Variants in LYAR observed in about 807,000 individuals in gnomAD.
LYAR encodes cell growth-regulating nucleolar protein.
A neutral mutation model predicts 45.2 loss-of-function variants in LYAR; 37 were observed. That is an observed-to-expected ratio of 0.82 (90% CI 0.63 to 1.08). LYAR has a LOEUF of 1.08. Among genes scored for constraint, LYAR ranks in the 50% least tolerant of loss-of-function variants. The pLI is 0.00. For missense variants in LYAR, 493 were observed against 451.0 expected (o/e 1.09, Z -0.84); for synonymous variants, 176 against 155.1 (o/e 1.14, Z -1.00).
At chr4:4,270,391 T>G (rs1271918718) in intron 8 of LYAR, among the ~76,000 whole-genome samples, 2 of 151,042 alleles carry the variant, frequency 1.3e-5, no homozygotes, top group Non-Finnish European at 2.9e-5. Context: ...AATTGAACTT[T>G]ATCAAAATAA....
Position 4,279,802 on chromosome 4 carries a change from T to C in LYAR, c.238-53A>G, listed in dbSNP as rs1412747591. On this transcript the variant is annotated intron_variant, in intron 4 of 9. Transcript: ENST00000343470. ...CTATTAATAAACAACCAACATGAGT[T>C]TCATGAAAGCCAATTGAAAAAGTCC... The C allele has an allele frequency of 8.3e-6, 10 of 1,204,832 alleles. No homozygotes were observed. The African/African-American group carries it at 1.2e-4, about 15-fold the overall frequency. 74.6% of individuals were successfully genotyped at this position (1,204,832 alleles called of 1,614,324 possible).
chr4:4,287,503 C>T (rs1719663424), intron 1 of LYAR, among the ~76,000 whole-genome samples: 1 of 152,206 alleles, frequency 6.6e-6, no homozygotes, highest in African/African-American at 2.4e-5. Flanking sequence ...CACCATAGAA[C>T]ACATGATCAT....
intron 1 of LYAR, 79 bp downstream of exon 1, chr4:4,289,957 G>T (rs1469409673): frequency 6.6e-6 from 1 of 152,362 alleles, no homozygotes; most frequent in Non-Finnish European, 1.5e-5. Flanking sequence ...AGGGGCTGAC[G>T]GTGGAAATCC....
rs1406420906 is a variant in LYAR, at chr4:4,274,831, C to T, written c.430-62G>A. On this transcript the variant is annotated intron_variant, in intron 6 of 9. Coordinates refer to ENST00000343470, the MANE Select transcript of LYAR (RefSeq NM_017816.3). ...TTTAAATGTGTAAATAGAGTTGTCA[C>T]GTTATTGCCTGGGCCTACTACATAA... The T allele has an allele frequency of 1.3e-5, 19 of 1,469,834 alleles. No individual in the cohort carries two copies. In the South Asian group the frequency reaches 2.0e-4, roughly 15 times the overall value. 91.0% of individuals were successfully genotyped at this position (1,469,834 alleles called of 1,614,324 possible). A position where few individuals can be genotyped will look rare whatever the true frequency, so the allele number is the denominator to read the frequency against.
At chr4:4,287,286 G>A (rs997406011) in intron 1 of LYAR, among the ~76,000 whole-genome samples, 1 of 152,188 alleles carries the variant, frequency 6.6e-6, no homozygotes, top group Non-Finnish European at 1.5e-5. Context: ...GACTGGTTGA[G>A]AGCATACTTC....
rs574330826 is a variant in LYAR, at chr4:4,269,647, C to T, written c.920-1032G>A. ...CCGCCCCCACCTGACAGCAACAAGGCCGTGCCCCTCCACAACCACCAAAGT... is the reference window on the plus strand; with the variant it reads ...CCGCCCCCACCTGACAGCAACAAGGTCGTGCCCCTCCACAACCACCAAAGT... On this transcript the variant is annotated intron_variant, in intron 8 of 9. Transcript: ENST00000343470. Among the ~76,000 whole-genome samples, 10 of 152,292 alleles carry T rather than the reference C, an allele frequency of 6.6e-5. No homozygotes were observed. In the East Asian group the frequency reaches 7.7e-4, roughly 12 times the overall value.
chr4:4,288,138 G>T (rs931286910), intron 1 of LYAR, among the ~76,000 whole-genome samples: 1 of 152,162 alleles, frequency 6.6e-6, no homozygotes, highest in African/African-American at 2.4e-5. Context: ...TCTGTAAAAT[G>T]GATCTAATAC....
At chr4:4,271,211 A>G (rs1378521421) in intron 8 of LYAR, among the ~76,000 whole-genome samples, 1 of 152,010 alleles carries the variant, frequency 6.6e-6, no homozygotes. Flanking sequence ...CTCTATCTCC[A>G]TGAGTTGGCA....
At chr4:4,285,508 C>T (rs929621485) in intron 2 of LYAR, among the ~76,000 whole-genome samples, 2 of 152,212 alleles carry the variant, frequency 1.3e-5, no homozygotes, top group African/African-American at 4.8e-5. Flanking sequence ...TAAGAGCCAA[C>T]ATCACATTCT....
chr4:4,275,902 G>C (rs546256914), intron 6 of LYAR, among the ~76,000 whole-genome samples: 1 of 152,116 alleles, frequency 6.6e-6, no homozygotes, highest in Non-Finnish European at 1.5e-5. Context: ...CACCATGTTG[G>C]CCAGGCTGAT....
intron 1 of LYAR, among the ~76,000 whole-genome samples, chr4:4,287,896 G>C (rs533302925): frequency 1.3e-5 from 2 of 152,204 alleles, no homozygotes; most frequent in East Asian, 1.9e-4. Context: ...CATGTCACAG[G>C]AGAGGCTGTC....
intron 6 of LYAR, among the ~76,000 whole-genome samples, chr4:4,276,286 T>C (rs555145170): frequency 6.6e-6 from 1 of 152,256 alleles, no homozygotes; most frequent in African/African-American, 2.4e-5. Context: ...ACAGTCTTCC[T>C]CCTTTGGGAG....
chr4:4,284,991 T>A (rs3775340), intron 2 of LYAR, among the ~76,000 whole-genome samples: 53,295 of 152,020 alleles, frequency 0.35, 11,411 homozygotes, highest in Middle Eastern at 0.54. Context: ...TCACTGCCAG[T>A]GAGGCCACAC....
chr4:4,275,198 CT>C (rs1560093320), intron 6 of LYAR, among the ~76,000 whole-genome samples: 1 of 152,180 alleles, frequency 6.6e-6, no homozygotes, highest in Non-Finnish European at 1.5e-5. Flanking sequence ...AGTCATTTAT[CT>C]TTTCCAAACC....
At chr4:4,289,295 C>G (rs1294736642) in intron 1 of LYAR, among the ~76,000 whole-genome samples, 3 of 152,182 alleles carry the variant, frequency 2.0e-5, no homozygotes, top group Non-Finnish European at 2.9e-5. Context: ...CATCCCTTCA[C>G]TCGAGTAACT....
intron 6 of LYAR, among the ~76,000 whole-genome samples, chr4:4,277,056 T>C (rs1037894664): frequency 1.3e-5 from 2 of 152,156 alleles, no homozygotes; most frequent in Non-Finnish European, 2.9e-5. Flanking sequence ...ATTATCATTA[T>C]GATTTTTTGA....
At chr4:4,278,752 G>T (rs1719286063) in intron 6 of LYAR, among the ~76,000 whole-genome samples, 1 of 152,072 alleles carries the variant, frequency 6.6e-6, no homozygotes, top group Non-Finnish European at 1.5e-5. Flanking sequence ...TTTAGATAAG[G>T]AAACTGAGGC....
At chr4:4,271,364 G>A (rs1718923915) in intron 8 of LYAR, among the ~76,000 whole-genome samples, 1 of 152,176 alleles carries the variant, frequency 6.6e-6, no homozygotes, top group Admixed American at 6.5e-5. Context: ...TTTTATGGCT[G>A]AATAGTACTC....
intron 8 of LYAR, chr4:4,268,831 T>C (rs575152858): frequency 4.4e-6 from 2 of 453,856 alleles, no homozygotes; most frequent in East Asian, 3.6e-5. Context: ...CAGGTGCCCA[T>C]GTGCTATTGG....
Sources: allele counts gnomAD v4.1 joint callset (sites outside exome capture counted in the v4.1 genomes callset), GRCh38; gene constraint gnomAD v4.1.1; transcripts MANE v1.5; gene names NCBI Gene and HGNC (gene_info 2026-07-23, HGNC 2026-07-21).